IL1RAPL1: variants seen among roughly 807,000 people sequenced by gnomAD.
The protein encoded by IL1RAPL1 is interleukin-1 receptor accessory protein-like 1.
IL1RAPL1 carries 3 observed loss-of-function variants against 48.4 expected under a neutral mutation model. The ratio of observed to expected loss-of-function variants is 0.06; its 90% CI spans 0.03 to 0.16. The LOEUF (loss-of-function observed/expected upper bound fraction) is 0.16, where lower values mean the gene tolerates loss of function less well. Among genes scored for constraint, IL1RAPL1 ranks in the 10% least tolerant of loss-of-function variants. The probability of loss-of-function intolerance (pLI) is 1.00; values close to 1 mark genes in which losing one functional copy is unlikely to be tolerated. For synonymous variants in IL1RAPL1, 185 were observed against 187.7 expected, an observed-to-expected ratio of 0.99 and a Z score of 0.12; for missense variants, 349 against 530.6, an observed-to-expected ratio of 0.66 and a Z score of 3.36.
intron 3 of IL1RAPL1, among the ~76,000 whole-genome samples, chrX:29,358,072 G>C (rs1933328220): frequency 9.0e-6 from 1 of 111,552 alleles, no homozygotes; most frequent in African/African-American, 3.3e-5. Context: ...AAGGAGGAGA[G>C]GGTGACTTTT....
chrX:28,712,832 A>T lies in IL1RAPL1; in HGVS notation c.-24-76488A>T, dbSNP rs755618388. 3.2e-3 allele frequency among the ~76,000 whole-genome samples: 351 copies of T among 110,890 alleles called. 2 individuals carry two copies. The highest frequency in any genetic ancestry group is 0.01 in the African/African-American group (310 of 30,552). ...TGTATTGTTTGAGGCTATTTTTTTT[A>T]AAAAAAGAGAATTTTAATAGTATCT... is the stretch of plus-strand genomic sequence containing the variant. On this transcript the variant is annotated intron_variant, in intron 1 of 10. Coordinates refer to ENST00000378993, the MANE Select transcript of IL1RAPL1 (RefSeq NM_014271.4).
chrX:28,824,801 C>CT (rs1464039768), intron 2 of IL1RAPL1, among the ~76,000 whole-genome samples: 2 of 111,648 alleles, frequency 1.8e-5, no homozygotes, highest in African/African-American at 3.2e-5. Context: ...CATTAGGAGA[C>CT]TTTTTCTGAT....
intron 5 of IL1RAPL1, among the ~76,000 whole-genome samples, chrX:29,434,250 CTT>C (rs752405032): frequency 2.7e-5 from 3 of 110,136 alleles, no homozygotes; most frequent in East Asian, 2.8e-4. Context: ...GCTCTATAGA[CTT>C]TGAACTGACA....
At chrX:29,249,395 G>T (rs996644428) in intron 2 of IL1RAPL1, among the ~76,000 whole-genome samples, 2 of 111,060 alleles carry the variant, frequency 1.8e-5, no homozygotes, top group Non-Finnish European at 3.8e-5. Flanking sequence ...AAACAGGAGA[G>T]AAAAATTTTT....
intron 2 of IL1RAPL1, among the ~76,000 whole-genome samples, chrX:29,252,303 G>A (rs1468503515): frequency 4.4e-5 from 5 of 112,933 alleles, no homozygotes; most frequent in African/African-American, 1.6e-4. Context: ...AAGAAAATCA[G>A]GGCCATAGAG....
intron 2 of IL1RAPL1, among the ~76,000 whole-genome samples, chrX:28,985,842 G>C (rs1925460087): frequency 9.1e-6 from 1 of 109,743 alleles, no homozygotes; most frequent in African/African-American, 3.3e-5. Flanking sequence ...TGTATTTTTA[G>C]TAGAGACGGG....
intron 2 of IL1RAPL1, among the ~76,000 whole-genome samples, chrX:29,004,153 GAAA>G (rs942380403): frequency 9.5e-6 from 1 of 104,959 alleles, no homozygotes; most frequent in African/African-American, 3.5e-5. Flanking sequence ...AGACTGTCTA[GAAA>G]AAAAAAAGAT....
intron 2 of IL1RAPL1, among the ~76,000 whole-genome samples, chrX:29,233,323 A>T (rs186801626): frequency 9.0e-6 from 1 of 111,035 alleles, no homozygotes; most frequent in African/African-American, 3.3e-5. Context: ...TCACTTCCTG[A>T]TATTCTTCTG....
At chrX:29,450,651 A>G (rs1934668781) in intron 5 of IL1RAPL1, among the ~76,000 whole-genome samples, 1 of 111,912 alleles carries the variant, frequency 8.9e-6, no homozygotes, top group South Asian at 3.7e-4. Context: ...GCTAAATCAT[A>G]TCCAATCATT....
intron 1 of IL1RAPL1, among the ~76,000 whole-genome samples, chrX:28,737,495 T>A (rs1051434603): frequency 1.8e-5 from 2 of 109,629 alleles, no homozygotes; most frequent in African/African-American, 6.6e-5. Context: ...TAAGTTCAAG[T>A]GATCCACCTG....
intron 6 of IL1RAPL1, among the ~76,000 whole-genome samples, chrX:29,786,838 A>C (rs1929511091): frequency 9.0e-6 from 1 of 111,244 alleles, no homozygotes; most frequent in Non-Finnish European, 1.9e-5. Flanking sequence ...GATGTGGAGG[A>C]ATGAGTGAAA....
At chrX:28,764,331 A>C (rs750609715) in intron 1 of IL1RAPL1, among the ~76,000 whole-genome samples, 9 of 111,594 alleles carry the variant, frequency 8.1e-5, no homozygotes, top group Admixed American at 6.7e-4. Context: ...CTAAGATAAC[A>C]ACAAAGCTGA....
intron 1 of IL1RAPL1, among the ~76,000 whole-genome samples, chrX:28,591,512 A>G (rs1317679428): frequency 8.9e-6 from 1 of 112,363 alleles, no homozygotes; most frequent in Non-Finnish European, 1.9e-5. Context: ...AGACTACTCT[A>G]TAATTTGTAG....
At chrX:28,896,930 G>A (rs1330694031) in intron 2 of IL1RAPL1, among the ~76,000 whole-genome samples, 4 of 111,171 alleles carry the variant, frequency 3.6e-5, no homozygotes, top group African/African-American at 1.3e-4. Flanking sequence ...AAAATCAAAA[G>A]TGCCATTTTC....
intron 6 of IL1RAPL1, among the ~76,000 whole-genome samples, chrX:29,711,279 G>T (rs890697516): frequency 4.4e-4 from 47 of 105,619 alleles, no homozygotes; most frequent in African/African-American, 1.5e-3. Context: ...TGCCTCCCGG[G>T]TTCAAGTGAT....
At chrX:29,944,442 CA>C (rs1220592957) in intron 9 of IL1RAPL1, among the ~76,000 whole-genome samples, 1 of 111,718 alleles carries the variant, frequency 9.0e-6, no homozygotes, top group Admixed American at 9.5e-5. Flanking sequence ...AATTATATAG[CA>C]AGTTTAAAAT....
chrX:29,230,244 A>T (rs1282782127), intron 2 of IL1RAPL1, among the ~76,000 whole-genome samples: 2 of 110,803 alleles, frequency 1.8e-5, no homozygotes, highest in East Asian at 5.7e-4. Context: ...GCCAGCTGTT[A>T]AAAACAAGAA....
chrX:28,646,096 G>A (rs1934605307), intron 1 of IL1RAPL1, among the ~76,000 whole-genome samples: 1 of 112,121 alleles, frequency 8.9e-6, no homozygotes, highest in African/African-American at 3.2e-5. Context: ...AGGCACCCGG[G>A]ACAGGTTTCG....
At chrX:29,411,865 C>T (rs1481757176) in intron 5 of IL1RAPL1, among the ~76,000 whole-genome samples, 6 of 111,004 alleles carry the variant, frequency 5.4e-5, no homozygotes, top group Non-Finnish European at 1.1e-4. Flanking sequence ...TAATGAAATT[C>T]CCTTCTTTAT....
Sources: gnomAD v4.1 joint callset for allele counts (sites outside exome capture counted in the v4.1 genomes callset) on GRCh38, gnomAD v4.1.1 for gene constraint, MANE v1.5 for transcripts, NCBI Gene and HGNC (gene_info 2026-07-23, HGNC 2026-07-21) for gene names.